Variants in FGL1 observed in about 807,000 individuals in gnomAD.
The protein encoded by FGL1 is fibrinogen like 1.
FGL1 carries 59 observed loss-of-function variants against 43.7 expected under a neutral mutation model. The ratio of observed to expected loss-of-function variants is 1.35; its 90% CI spans 1.10 to 1.68. The LOEUF (loss-of-function observed/expected upper bound fraction) is 1.68. FGL1 is among the 40% of genes most tolerant of loss of function. The pLI is 0.00. For synonymous variants in FGL1, 192 were observed against 126.5 expected (o/e 1.52, Z -3.48); for missense variants, 596 against 373.0 (o/e 1.60, Z -4.92).
chr8:17,874,910 G>A (rs969792367), intron 3 of FGL1, among the ~76,000 whole-genome samples: 1 of 108,926 alleles, frequency 9.2e-6, no homozygotes, highest in Admixed American at 8.8e-5. Flanking sequence ...AAAGGGCTGG[G>A]ATTACAGGTG....
chr8:17,891,695 T>C, intron 1 of FGL1: 2 of 985,246 alleles, frequency 2.0e-6, no homozygotes, highest in Non-Finnish European at 2.4e-6. Flanking sequence ...ATTAGAATTG[T>C]AGAACTTCCC....
chr8:17,882,149 G>A lies in FGL1; in HGVS notation c.94C>T (p.Arg32Trp), dbSNP rs202168140. 8.7e-5 allele frequency: 140 copies of A among 1,613,612 alleles called. No homozygotes were observed. The highest frequency in any genetic ancestry group is 6.7e-5 in the East Asian group (3 of 44,862). ...AGCAGGCGCACCTGGGCTCTGAGCC[G>A]CATCTGCTCCTGGGCACAGTCCTCG... ...ALEDCAQEQM[R>W]LRAQVRLLET... Residue 32 changes from arginine to tryptophan, a missense_variant, in exon 3 of 8, where the codon CGG becomes TGG. Transcript: ENST00000427924.
intron 3 of FGL1, among the ~76,000 whole-genome samples, chr8:17,876,602 G>C (rs748863752): frequency 2.0e-5 from 3 of 152,170 alleles, no homozygotes; most frequent in Non-Finnish European, 4.4e-5. Context: ...GTTCAATGTT[G>C]TTATAAAGTT....
intron 3 of FGL1, 109 bp from the exon 4 acceptor site, chr8:17,874,630 T>C: frequency 2.7e-6 from 2 of 741,226 alleles, no homozygotes; most frequent in East Asian, 2.6e-5. Context: ...AGATAACACA[T>C]GGTATAGAAA....
intron 1 of FGL1, among the ~76,000 whole-genome samples, chr8:17,887,624 C>T (rs563615815): frequency 7.9e-5 from 12 of 152,198 alleles, no homozygotes; most frequent in African/African-American, 9.6e-5. Flanking sequence ...CCGAGGCGGG[C>T]GGATCACTGA....
chr8:17,891,970 T>G (rs190012322), intron 1 of FGL1: 6 of 172,960 alleles, frequency 3.5e-5, no homozygotes, highest in African/African-American at 7.2e-5. Context: ...CCTGAAAACA[T>G]AATACCTAAG....
At position 17,868,613 on chromosome 8, in the gene FGL1, G is replaced by A. The variant is rs776484441; in HGVS notation, c.714C>T (p.Asp238=). Residue 238 remains aspartate (D), a synonymous_variant, in exon 7 of 8, where the codon GAC becomes GAT. Coordinates refer to ENST00000427924, the MANE Select transcript of FGL1 (RefSeq NM_004467.4). ...SHQRMKFSTW[D]RDHDNYEGNC... ...TCCCTTCATAGTTGTCATGATCTCT[G>A]TCCCACGTGCTGAATTTCATTCTTT... 9 of 1,613,874 alleles carry A rather than the reference G, an allele frequency of 5.6e-6. No homozygotes were observed. The highest frequency in any genetic ancestry group is 7.6e-6 in the Non-Finnish European group (9 of 1,179,974).
At position 17,892,920 on chromosome 8, in the gene FGL1, C is replaced by T. The variant is rs1238168125; in HGVS notation, c.-18+2527G>A. 2.0e-5 allele frequency among the ~76,000 whole-genome samples: 3 copies of T among 152,132 alleles called. No individual in the cohort carries two copies. In the East Asian group the frequency reaches 5.8e-4, roughly 29 times the overall value. On this transcript the variant is annotated intron_variant, in intron 1 of 7. Transcript: ENST00000427924. ...ATTAGCTTAAAAAGTTAGAGCTTAGCCAGGCGTGGTGGCTCATGCCTGTAA... is the reference window on the plus strand; with the variant it reads ...ATTAGCTTAAAAAGTTAGAGCTTAGTCAGGCGTGGTGGCTCATGCCTGTAA...
intron 1 of FGL1, among the ~76,000 whole-genome samples, chr8:17,887,187 C>G (rs1250784212): frequency 1.3e-5 from 2 of 152,058 alleles, no homozygotes; most frequent in Non-Finnish European, 2.9e-5. Context: ...CTTTCCAGGC[C>G]AAAGAACATA....
At chr8:17,894,478 T>G (rs986899470) in intron 1 of FGL1, among the ~76,000 whole-genome samples, 1 of 147,370 alleles carries the variant, frequency 6.8e-6, no homozygotes, top group Non-Finnish European at 1.5e-5. Context: ...ACTGAAAGCC[T>G]TACAAAGCTA....
At position 17,869,021 on chromosome 8, in the gene FGL1, C is replaced by G. The variant is rs747013658; in HGVS notation, c.503-17G>C. The G allele has an allele frequency of 3.3e-6, 5 of 1,522,788 alleles. No individual in the cohort carries two copies. The highest frequency in any genetic ancestry group is 4.5e-6 in the Non-Finnish European group (5 of 1,115,472). 94.3% of individuals were successfully genotyped at this position (1,522,788 alleles called of 1,614,324 possible). On this transcript the variant is annotated splice_polypyrimidine_tract_variant and intron_variant, in intron 5 of 7. Transcript: ENST00000427924. ...TGTAGTCTTCTAAAAAAGAAACAAGCAATTATAATTTTTAAAAATGTGTGA... is the reference window on the plus strand; with the variant it reads ...TGTAGTCTTCTAAAAAAGAAACAAGGAATTATAATTTTTAAAAATGTGTGA...
chr8:17,894,046 T>C (rs984753131), intron 1 of FGL1, among the ~76,000 whole-genome samples: 1 of 146,506 alleles, frequency 6.8e-6, no homozygotes, highest in East Asian at 1.9e-4. Context: ...CCTTCCCCAC[T>C]ATATTTAAAA....
intron 2 of FGL1, among the ~76,000 whole-genome samples, chr8:17,884,979 C>A (rs2053605841): frequency 6.6e-6 from 1 of 151,898 alleles, no homozygotes; most frequent in African/African-American, 2.4e-5. Flanking sequence ...AACCAAATAA[C>A]TCCAGTGAAT....
intron 1 of FGL1, among the ~76,000 whole-genome samples, chr8:17,887,588 A>G (rs1437112368): frequency 6.6e-6 from 1 of 152,102 alleles, no homozygotes; most frequent in Middle Eastern, 3.2e-3. Context: ...GTTGGCTCAC[A>G]CCTGTAATCC....
At chr8:17,888,043 T>G (rs992607665) in intron 1 of FGL1, among the ~76,000 whole-genome samples, 1 of 151,956 alleles carries the variant, frequency 6.6e-6, no homozygotes, top group South Asian at 2.1e-4. Flanking sequence ...TTAGGCCCAG[T>G]GATAGAAATA....
Position 17,868,563 on chromosome 8 carries a change from C to G in FGL1, c.764G>C (p.Gly255Ala). ...GACATCAAACCTGTTAAACCACCAGCCAGACTGATCTTCTTCTGCGCAGTT... is the reference window on the plus strand; with the variant it reads ...GACATCAAACCTGTTAAACCACCAGGCAGACTGATCTTCTTCTGCGCAGTT... ...EGNCAEEDQS[G>A]WWFNRCHSAN... is the part of the protein sequence containing the mutation. The change falls in exon 7 of 8, where the codon GGC (glycine) becomes GCC (alanine). Residue 255 changes from glycine to alanine, a missense_variant. Gly to Ala is a moderately conservative substitution (Grantham distance 60). Coordinates refer to ENST00000427924, the MANE Select transcript of FGL1 (RefSeq NM_004467.4). 1 of 1,611,784 alleles carries G rather than the reference C, an allele frequency of 6.2e-7. No individual in the cohort carries two copies. The highest frequency in any genetic ancestry group is 8.5e-7 in the Non-Finnish European group (1 of 1,179,126).
rs138941859 is a variant in FGL1 at position 17,866,343 on chromosome 8, C to T, written c.780-1592G>A. The stretch of plus-strand genomic sequence containing the variant: ...ACATCAACTCGCAGTGATTGGTTTG[C>T]TATGTGGAAAAAAACATTTTATAGG... On this transcript the variant is annotated intron_variant, in intron 7 of 7. Transcript: ENST00000427924. 2.2e-4 allele frequency among the ~76,000 whole-genome samples: 15 copies of T among 67,904 alleles called. No individual in the cohort carries two copies. The East Asian group carries it at 3.7e-3, about 17-fold the overall frequency. 44.5% of individuals were successfully genotyped at this position (67,904 alleles called of 152,430 possible). A position where few individuals can be genotyped will look rare whatever the true frequency, so the allele number is the denominator to read the frequency against.
At chr8:17,877,281 C>G (rs2258157) in intron 3 of FGL1, among the ~76,000 whole-genome samples, 1 of 151,902 alleles carries the variant, frequency 6.6e-6, no homozygotes, top group Non-Finnish European at 1.5e-5. Context: ...TAATACTAGA[C>G]AGAGGCCAAG....
intron 1 of FGL1, among the ~76,000 whole-genome samples, chr8:17,889,036 C>T (rs1353579468): frequency 3.3e-5 from 5 of 152,034 alleles, no homozygotes; most frequent in African/African-American, 1.2e-4. Context: ...AGCGTAGTTC[C>T]ACAAAGATGC....
Sources: gnomAD v4.1 joint callset for allele counts (sites outside exome capture counted in the v4.1 genomes callset) on GRCh38, gnomAD v4.1.1 for gene constraint, MANE v1.5 for transcripts, NCBI Gene and HGNC (gene_info 2026-07-23, HGNC 2026-07-21) for gene names.